Variants in MBTD1 observed in about 807,000 individuals in gnomAD.
The protein encoded by MBTD1 is MBT domain-containing protein 1.
In MBTD1, 24 loss-of-function variants were observed where a neutral mutation model predicts 87.8. The observed-to-expected ratio is 0.27, with a 90% CI of 0.20 to 0.38. MBTD1 has a LOEUF of 0.38. Among genes scored for constraint, MBTD1 ranks in the 10% least tolerant of loss-of-function variants. The pLI is 1.00. For synonymous variants in MBTD1, 237 were observed against 248.6 expected (o/e 0.95, Z 0.44); for missense variants, 436 against 760.2 (o/e 0.57, Z 5.02).
At chr17:51,248,919 G>C (rs938791497) in intron 2 of MBTD1, among the ~76,000 whole-genome samples, 1 of 152,032 alleles carries the variant, frequency 6.6e-6, no homozygotes, top group African/African-American at 2.4e-5. Flanking sequence ...TTTTCTAATA[G>C]ATTGACAATT....
intron 6 of MBTD1, among the ~76,000 whole-genome samples, chr17:51,215,962 C>T (rs1164585745): frequency 6.7e-5 from 8 of 119,554 alleles, no homozygotes; most frequent in East Asian, 2.4e-4. Flanking sequence ...GACTGAGTGT[C>T]GCTCTATTGC....
intron 16 of MBTD1, among the ~76,000 whole-genome samples, chr17:51,187,533 C>A (rs750456685): frequency 1.3e-5 from 2 of 151,946 alleles, no homozygotes; most frequent in African/African-American, 2.4e-5. Context: ...AAGAACCAGG[C>A]ATAGTGCATT....
intron 2 of MBTD1, among the ~76,000 whole-genome samples, chr17:51,258,008 C>A (rs1269746333): frequency 3.8e-3 from 516 of 136,672 alleles, no homozygotes; most frequent in Middle Eastern, 7.9e-3. Context: ...GGAGGTGGTG[C>A]AAAAAAAAAA....
At chr17:51,204,850 A>G (rs543902530) in intron 7 of MBTD1, among the ~76,000 whole-genome samples, 2 of 152,202 alleles carry the variant, frequency 1.3e-5, no homozygotes, top group South Asian at 2.1e-4. Context: ...TAGGTGGCCA[A>G]TTACTCCTGG....
At chr17:51,239,228 A>G (rs2143986323) in intron 2 of MBTD1, among the ~76,000 whole-genome samples, 1 of 152,322 alleles carries the variant, frequency 6.6e-6, no homozygotes, top group Non-Finnish European at 1.5e-5. Context: ...TAGACAGTAA[A>G]AGAGCAAATG....
chr17:51,253,863 CCAAA>C (rs755904971), intron 2 of MBTD1, among the ~76,000 whole-genome samples: 3 of 152,020 alleles, frequency 2.0e-5, no homozygotes, highest in Non-Finnish European at 4.4e-5. Context: ...ATTGGTATAA[CCAAA>C]CAAAAGTTCC....
upstream of MBTD1, chr17:51,260,237 G>A (rs1252692239): frequency 4.5e-6 from 2 of 439,978 alleles, no homozygotes; most frequent in Non-Finnish European, 8.1e-6. Flanking sequence ...TTACAGCCAA[G>A]AGGAAAAGCA....
chr17:51,190,865 G>A (rs533699329), intron 16 of MBTD1, among the ~76,000 whole-genome samples: 2 of 150,328 alleles, frequency 1.3e-5, no homozygotes, highest in South Asian at 4.2e-4. Context: ...CAGAGTGCTT[G>A]AGCCCAAAAG....
At chr17:51,203,085 T>A in intron 9 of MBTD1, 55 bp downstream of exon 9, 1 of 1,405,296 alleles carries the variant, frequency 7.1e-7, no homozygotes, top group Non-Finnish European at 9.9e-7. Flanking sequence ...AAAAATGTTC[T>A]CTGTTACCCT....
chr17:51,202,168 C>T, intron 10 of MBTD1, 91 bp from the exon 11 acceptor site: 2 of 756,328 alleles, frequency 2.6e-6, no homozygotes, highest in Non-Finnish European at 4.7e-6. Context: ...CAAAGTATGT[C>T]ATACTATAAA....
chr17:51,248,438 T>G (rs780360260), intron 2 of MBTD1, among the ~76,000 whole-genome samples: 4 of 152,206 alleles, frequency 2.6e-5, no homozygotes, highest in Non-Finnish European at 5.9e-5. Context: ...TGTTTCCCTT[T>G]TACCCATTAA....
At chr17:51,200,854 A>ACCAT (rs971124396) in intron 12 of MBTD1, among the ~76,000 whole-genome samples, 8 of 150,974 alleles carry the variant, frequency 5.3e-5, no homozygotes, top group Admixed American at 1.3e-4. Context: ...ACAGAGTGAG[A>ACCAT]CCATGTCTTT....
chr17:51,198,125 C>T (rs2051245046), intron 12 of MBTD1, among the ~76,000 whole-genome samples: 1 of 152,166 alleles, frequency 6.6e-6, no homozygotes, highest in Admixed American at 6.5e-5. Flanking sequence ...TCAACAACTC[C>T]TCTTACTCCT....
At position 51,220,466 on chromosome 17, in the gene MBTD1, A is replaced by G; in HGVS notation, c.155-3T>C. Reference sequence around the variant, plus strand: ...CATCCCACACATCTCACAGGTAGCTAATTAACAAAATAAAAACACTGGTGT... The same window carrying G: ...CATCCCACACATCTCACAGGTAGCTGATTAACAAAATAAAAACACTGGTGT... On this transcript the variant is annotated splice_polypyrimidine_tract_variant and splice_region_variant and intron_variant, in intron 3 of 16. Transcript: ENST00000586178. 27 of 1,536,846 alleles carry G rather than the reference A, an allele frequency of 1.8e-5. No homozygotes were observed. Among genetic ancestry groups the G allele is most frequent in the Non-Finnish European group, 2.4e-5 (27 of 1,137,556 alleles).
intron 12 of MBTD1, among the ~76,000 whole-genome samples, chr17:51,198,322 T>A (rs1482112956): frequency 6.6e-6 from 1 of 152,270 alleles, no homozygotes; most frequent in Non-Finnish European, 1.5e-5. Context: ...CAAGTTATCC[T>A]GTCTACTAAA....
intron 2 of MBTD1, among the ~76,000 whole-genome samples, chr17:51,252,826 A>T (rs2054870068): frequency 6.6e-6 from 1 of 152,130 alleles, no homozygotes; most frequent in South Asian, 2.1e-4. Flanking sequence ...GAATGATTGT[A>T]GGTAGGTAAA....
chr17:51,189,010 G>A (rs2050678892), intron 16 of MBTD1, among the ~76,000 whole-genome samples: 2 of 151,942 alleles, frequency 1.3e-5, no homozygotes, highest in Admixed American at 6.6e-5. Context: ...CGCCTGCCTC[G>A]GCCTCCCAAA....
chr17:51,245,156 T>G (rs955522185), intron 2 of MBTD1, among the ~76,000 whole-genome samples: 12 of 152,194 alleles, frequency 7.9e-5, no homozygotes, highest in African/African-American at 2.4e-4. Context: ...CGCCTCAGCC[T>G]CCCAAAGTGC....
intron 2 of MBTD1, among the ~76,000 whole-genome samples, chr17:51,244,513 T>C (rs1226232680): frequency 6.6e-6 from 1 of 152,128 alleles, no homozygotes; most frequent in Non-Finnish European, 1.5e-5. Context: ...GTTCAAGTGA[T>C]GCTTGTGCCT....
Sources: allele counts gnomAD v4.1 joint callset (sites outside exome capture counted in the v4.1 genomes callset), GRCh38; gene constraint gnomAD v4.1.1; transcripts MANE v1.5; gene names NCBI Gene and HGNC (gene_info 2026-07-23, HGNC 2026-07-21).